The following FGF12 variants were observed in gnomAD, a reference collection of about 807,000 sequenced individuals.
The protein encoded by FGF12 is fibroblast growth factor 12B.
A neutral mutation model predicts 23.6 loss-of-function variants in FGF12; 14 were observed. That is an observed-to-expected ratio of 0.59 (90% CI 0.39 to 0.93). The LOEUF (loss-of-function observed/expected upper bound fraction) is 0.93. Among genes scored for constraint, FGF12 ranks in the 40% least tolerant of loss-of-function variants. The pLI is 0.00. For missense variants in FGF12, 175 were observed against 217.8 expected, an observed-to-expected ratio of 0.80 and a Z score of 1.24; for synonymous variants, 62 against 77.3, an observed-to-expected ratio of 0.80 and a Z score of 1.04.
intron 2 of FGF12, among the ~76,000 whole-genome samples, chr3:192,645,596 C>T (rs752156444): frequency 6.6e-6 from 1 of 151,772 alleles, no homozygotes; most frequent in Non-Finnish European, 1.5e-5. Flanking sequence ...GATGACAGCC[C>T]ATACCAGAAT....
chr3:192,256,794 G>A (rs1260481708), intron 4 of FGF12, among the ~76,000 whole-genome samples: 1 of 152,148 alleles, frequency 6.6e-6, no homozygotes, highest in Non-Finnish European at 1.5e-5. Context: ...ACAGATAGCA[G>A]AATAGATGAA....
chr3:192,271,593 T>C (rs1713441850), intron 4 of FGF12, among the ~76,000 whole-genome samples: 1 of 152,200 alleles, frequency 6.6e-6, no homozygotes. Flanking sequence ...CTGCCTTCCT[T>C]CTTTCTACTA....
chr3:192,657,440 C>A (rs1577103570), intron 2 of FGF12, among the ~76,000 whole-genome samples: 2 of 148,308 alleles, frequency 1.3e-5, no homozygotes, highest in African/African-American at 2.5e-5. Flanking sequence ...AAACAGAGAA[C>A]TATTAGAACT....
At chr3:192,276,163 G>A (rs892714979) in intron 4 of FGF12, among the ~76,000 whole-genome samples, 2 of 152,202 alleles carry the variant, frequency 1.3e-5, no homozygotes, top group South Asian at 4.1e-4. Flanking sequence ...AATGCTCACT[G>A]GCAGGAGAGC....
intron 2 of FGF12, among the ~76,000 whole-genome samples, chr3:192,413,237 C>A (rs1382766302): frequency 2.0e-5 from 3 of 152,192 alleles, no homozygotes; most frequent in Non-Finnish European, 2.9e-5. Context: ...TTAAACATTG[C>A]ATTGTCCACA....
intron 4 of FGF12, among the ~76,000 whole-genome samples, chr3:192,200,323 C>T (rs1006887929): frequency 1.3e-5 from 2 of 150,610 alleles, no homozygotes; most frequent in Admixed American, 1.3e-4. Flanking sequence ...AGCAAGAGTC[C>T]ATCTTAAAAA....
intron 2 of FGF12, among the ~76,000 whole-genome samples, chr3:192,404,467 CAAAAT>C (rs367648418): frequency 3.9e-5 from 6 of 152,180 alleles, no homozygotes; most frequent in East Asian, 1.9e-4. Context: ...TGTTTCTACT[CAAAAT>C]AAAGCTAAAG....
At chr3:192,712,941 G>A (rs80349674) in intron 2 of FGF12, among the ~76,000 whole-genome samples, 2,107 of 152,146 alleles carry the variant, frequency 0.014, 47 homozygotes, top group African/African-American at 0.049. Context: ...ATTACTTCAC[G>A]ATGAAATTGA....
At chr3:192,221,616 G>A (rs528270898) in intron 4 of FGF12, among the ~76,000 whole-genome samples, 4 of 152,220 alleles carry the variant, frequency 2.6e-5, no homozygotes, top group African/African-American at 9.6e-5. Context: ...CATTTTGGAC[G>A]AAGTGACTTA....
intron 2 of FGF12, among the ~76,000 whole-genome samples, chr3:192,689,907 G>GA (rs1056547793): frequency 4.0e-5 from 6 of 148,942 alleles, no homozygotes; most frequent in East Asian, 2.0e-4. Flanking sequence ...AAAGCAGGAA[G>GA]AAAAAAAAAG....
chr3:192,709,783 C>T (rs972956449), intron 2 of FGF12, among the ~76,000 whole-genome samples: 2 of 152,298 alleles, frequency 1.3e-5, no homozygotes, highest in Non-Finnish European at 2.9e-5. Flanking sequence ...GACTTAATCA[C>T]TTCCACCCCC....
intron 4 of FGF12, among the ~76,000 whole-genome samples, chr3:192,227,235 C>A (rs571940523): frequency 6.6e-6 from 1 of 152,266 alleles, no homozygotes; most frequent in African/African-American, 2.4e-5. Flanking sequence ...CCTCATACTG[C>A]TATCAGCAAA....
chr3:192,444,054 T>C (rs1722280781), intron 2 of FGF12, among the ~76,000 whole-genome samples: 1 of 152,158 alleles, frequency 6.6e-6, no homozygotes, highest in Non-Finnish European at 1.5e-5. Context: ...AATAAAGTAA[T>C]AATTCTTCAC....
chr3:192,190,391 C>A (rs192826476), intron 4 of FGF12, among the ~76,000 whole-genome samples: 2 of 149,146 alleles, frequency 1.3e-5, no homozygotes, highest in Admixed American at 1.3e-4. Context: ...AATTATTTAA[C>A]AGAGCTACAA....
rs564949481 is a variant in FGF12 at position 192,492,908 on chromosome 3, G to C, written c.14-132370C>G. ...GATAAGAAGTGATGATGCCTCCCAAGTAGCTGGGACCACAGGCATGTGCTA... is the reference window on the plus strand; with the variant it reads ...GATAAGAAGTGATGATGCCTCCCAACTAGCTGGGACCACAGGCATGTGCTA... On this transcript the variant is annotated intron_variant, in intron 2 of 5. Coordinates refer to ENST00000445105, the MANE Select transcript of FGF12 (RefSeq NM_004113.6). Among the ~76,000 whole-genome samples the C allele has an allele frequency of 6.7e-5, 10 of 150,356 alleles. No individual in the cohort carries two copies. The East Asian group carries it at 2.0e-3, about 29-fold the overall frequency.
intron 4 of FGF12, among the ~76,000 whole-genome samples, chr3:192,207,250 A>C (rs1717700482): frequency 6.6e-6 from 1 of 152,226 alleles, no homozygotes; most frequent in South Asian, 2.1e-4. Context: ...TAAACATCCA[A>C]ATGTTATCAA....
At position 192,378,961 on chromosome 3, in the gene FGF12, C is replaced by G. The variant is rs114774358; in HGVS notation, c.14-18423G>C. 4.3e-3 allele frequency among the ~76,000 whole-genome samples: 648 copies of G among 152,252 alleles called. 2 individuals carry two copies. Among genetic ancestry groups the G allele is most frequent in the African/African-American group, 0.015 (611 of 41,550 alleles). ...GCATCTGTTGTTCCTTTCTTTGTGT[C>G]CATGATTTCTCATCATTTAGCTCTC... is the stretch of plus-strand genomic sequence containing the variant. On this transcript the variant is annotated intron_variant, in intron 2 of 5. Coordinates refer to ENST00000445105, the MANE Select transcript of FGF12 (RefSeq NM_004113.6).
At chr3:192,226,860 C>CAT (rs1004782123) in intron 4 of FGF12, among the ~76,000 whole-genome samples, 5 of 151,918 alleles carry the variant, frequency 3.3e-5, no homozygotes, top group South Asian at 2.1e-4. Flanking sequence ...CTCCACTATA[C>CAT]ATATATATAT....
Position 192,139,944 on chromosome 3 carries a change from CT to C in FGF12, c.*4064del, listed in dbSNP as rs1162032838. ...TGGGAAGTATAGATTTCTAAGATAA[CT>C]TTTTGTAACTAAAAAATAATTTCCT... On this transcript the variant is annotated 3_prime_UTR_variant, in exon 6 of 6. Coordinates refer to ENST00000445105, the MANE Select transcript of FGF12 (RefSeq NM_004113.6). The C allele has an allele frequency of 6.6e-6, 1 of 151,906 alleles. No individual in the cohort carries two copies. Among genetic ancestry groups the C allele is most frequent in the Admixed American group, 6.6e-5 (1 of 15,248 alleles). 9.4% of individuals were successfully genotyped at this position (151,906 alleles called of 1,614,324 possible). A position where few individuals can be genotyped will look rare whatever the true frequency, so the allele number is the denominator to read the frequency against.
Sources: allele counts gnomAD v4.1 joint callset (sites outside exome capture counted in the v4.1 genomes callset), GRCh38; gene constraint gnomAD v4.1.1; transcripts MANE v1.5; gene names NCBI Gene and HGNC (gene_info 2026-07-23, HGNC 2026-07-21).